RAP2C: variants seen among roughly 807,000 people sequenced by gnomAD.
RAP2C encodes RAP2C, member of RAS oncogene family.
Under a neutral mutation model 8.9 loss-of-function variants are expected in RAP2C, and 3 were observed. The ratio of observed to expected loss-of-function variants is 0.34; its 90% CI spans 0.15 to 0.87. RAP2C has a LOEUF of 0.87. RAP2C is among the 40% of genes least tolerant of loss of function. The pLI is 0.51. For missense variants in RAP2C, 76 were observed against 133.7 expected, an observed-to-expected ratio of 0.57 and a Z score of 2.13; for synonymous variants, 60 against 52.1, an observed-to-expected ratio of 1.15 and a Z score of -0.65.
chrX:132,203,853 G>C lies in RAP2C; in HGVS notation c.*1769C>G, dbSNP rs920975639. On this transcript the variant is annotated 3_prime_UTR_variant, in exon 6 of 6. Transcript: ENST00000370874. ...CATAAAATTCAAAATTTAAGAACAAGAGTTCACTTTGAGGGAATTTGCTCA... is the reference window on the plus strand; with the variant it reads ...CATAAAATTCAAAATTTAAGAACAACAGTTCACTTTGAGGGAATTTGCTCA... 5 of 111,894 alleles carry C rather than the reference G, an allele frequency of 4.5e-5. No individual in the cohort carries two copies. Among genetic ancestry groups the C allele is most frequent in the Non-Finnish European group, 9.4e-5 (5 of 53,035 alleles). 9.2% of individuals were successfully genotyped at this position (111,894 alleles called of 1,213,427 possible). A position where few individuals can be genotyped will look rare whatever the true frequency, so the allele number is the denominator to read the frequency against.
In RAP2C at chrX:132,204,275, A is replaced by G. The variant is rs1361118847; in HGVS notation, c.*1347T>C. The G allele has an allele frequency of 1.8e-5, 2 of 112,349 alleles. No homozygotes were observed. The highest frequency in any genetic ancestry group is 6.5e-5 in the African/African-American group (2 of 30,884). The allele number at this position is 112,349 out of a possible 1,213,427, so 9.3% of individuals were successfully genotyped here. A position where few individuals can be genotyped will look rare whatever the true frequency, so the allele number is the denominator to read the frequency against. On this transcript the variant is annotated 3_prime_UTR_variant, in exon 6 of 6. Coordinates refer to ENST00000370874, the MANE Select transcript of RAP2C (RefSeq NM_001271186.2). ...AAACCCAACAATAAAATACTGTCAA[A>G]CTTACACAATTTAAAAATCATTGCT...
In RAP2C at chrX:132,214,201, T is replaced by C; in HGVS notation, c.519A>G (p.Gln173=). Residue 173 remains glutamine (Q), a synonymous_variant, in exon 5 of 6, where the codon CAA becomes CAG. Coordinates refer to ENST00000370874, the MANE Select transcript of RAP2C (RefSeq NM_001271186.2). The part of the protein sequence containing the change: ...QMNYSSLPEK[Q]DQCCTTCVVQ ...CGACACAAGTTGTACAACACTGATCTTGCTTCTCCGGCAGGGATGAATAGT... is the reference window on the plus strand; with the variant it reads ...CGACACAAGTTGTACAACACTGATCCTGCTTCTCCGGCAGGGATGAATAGT... 8.3e-7 allele frequency: 1 copy of C among 1,211,646 alleles called. No individual in the cohort carries two copies. Among genetic ancestry groups the C allele is most frequent in the East Asian group, 3.0e-5 (1 of 33,843 alleles).
Position 132,217,550 on chromosome X carries a change from G to A in RAP2C, c.-282C>T, listed in dbSNP as rs1346448034. On this transcript the variant is annotated 5_prime_UTR_variant, in exon 4 of 6. Coordinates refer to ENST00000370874, the MANE Select transcript of RAP2C (RefSeq NM_001271186.2). ...AGGGCGAGCCTGGGAAAAGCCCGGC[G>A]AGGGTGGCGAGGAGGCGCGTGCCCC... 3 of 243,143 alleles carry A rather than the reference G, an allele frequency of 1.2e-5. No individual in the cohort carries two copies. The Admixed American group carries it at 2.0e-4, about 16-fold the overall frequency. The allele number at this position is 243,143 out of a possible 1,213,427, so 20.0% of individuals were successfully genotyped here. A position where few individuals can be genotyped will look rare whatever the true frequency, so the allele number is the denominator to read the frequency against.
At chrX:132,214,849 G>A (rs1930528356) in intron 4 of RAP2C, among the ~76,000 whole-genome samples, 1 of 111,812 alleles carries the variant, frequency 8.9e-6, no homozygotes, top group Non-Finnish European at 1.9e-5. Context: ...GCACAGGATT[G>A]CAGCATCTAT....
Position 132,217,116 on chromosome X carries a change from G to T in RAP2C, c.153C>A (p.Ser51=), listed in dbSNP as rs751770874. ...CTGCGGTGTCCAGAATTTCCAGCAC[G>T]GAGGGGGAAGAGTCCACTTCGATCT... ...RKEIEVDSSP[S]VLEILDTAGT... The change falls in exon 4 of 6, where the codon TCC becomes TCA. Residue 51 remains serine, a synonymous_variant. Transcript: ENST00000370874. 2.5e-6 allele frequency: 3 copies of T among 1,204,751 alleles called. No individual in the cohort carries two copies. The highest frequency in any genetic ancestry group is 2.2e-6 in the Non-Finnish European group (2 of 891,981).
intron 5 of RAP2C, among the ~76,000 whole-genome samples, chrX:132,209,536 C>G (rs1236607236): frequency 2.7e-5 from 3 of 112,049 alleles, no homozygotes; most frequent in African/African-American, 9.7e-5. Context: ...GTTTTTCTTA[C>G]TGATATTATC....
chrX:132,208,210 A>G (rs866148344), intron 5 of RAP2C, among the ~76,000 whole-genome samples: 1 of 111,687 alleles, frequency 9.0e-6, no homozygotes, highest in African/African-American at 3.3e-5. Flanking sequence ...ATGGCAGCAG[A>G]ATGCCTGGTA....
At position 132,205,044 on chromosome X, in the gene RAP2C, C is replaced by T. The variant is rs1466446882; in HGVS notation, c.*578G>A. The T allele has an allele frequency of 9.2e-6, 1 of 109,287 alleles. No individual in the cohort carries two copies. Among genetic ancestry groups the T allele is most frequent in the Non-Finnish European group, 1.9e-5 (1 of 52,457 alleles). 9.0% of individuals were successfully genotyped at this position (109,287 alleles called of 1,213,427 possible). On this transcript the variant is annotated 3_prime_UTR_variant, in exon 6 of 6. Transcript: ENST00000370874. ...CACTTGAAGAAAAGGGATATTCCAT[C>T]CATACAGGTAAAATGTGATCTTTAG...
intron 5 of RAP2C, among the ~76,000 whole-genome samples, chrX:132,205,897 G>A: frequency 9.0e-6 from 1 of 111,299 alleles, no homozygotes; most frequent in East Asian, 2.8e-4. Context: ...TGTCCTTACT[G>A]GTTTAAATGA....
At chrX:132,219,229 C>A (rs748360263) in intron 1 of RAP2C, 141 bp downstream of exon 1, 3 of 111,696 alleles carry the variant, frequency 2.7e-5, no homozygotes, top group Non-Finnish European at 5.6e-5. Context: ...CTCCAAATTC[C>A]CTTACTTACA....
chrX:132,213,894 A>G (rs1309162695), intron 5 of RAP2C, among the ~76,000 whole-genome samples: 1 of 112,453 alleles, frequency 8.9e-6, no homozygotes, highest in Non-Finnish European at 1.9e-5. Flanking sequence ...AGGAAGAACA[A>G]TAACTCACTT....
chrX:132,217,484 T>G lies in RAP2C; in HGVS notation c.-216A>C. ...GGGTGGGGAAGGGATGGTAATGCCC[T>G]TCCTATAGGAACTGCAGCCCGAGCA... is the stretch of plus-strand genomic sequence containing the variant. On this transcript the variant is annotated 5_prime_UTR_variant, in exon 4 of 6. Coordinates refer to ENST00000370874, the MANE Select transcript of RAP2C (RefSeq NM_001271186.2). 1 of 289,246 alleles carries G rather than the reference T, an allele frequency of 3.5e-6. No homozygotes were observed. The highest frequency in any genetic ancestry group is 6.1e-6 in the Non-Finnish European group (1 of 164,485). The allele number at this position is 289,246 out of a possible 1,213,427, so 23.8% of individuals were successfully genotyped here. A position where few individuals can be genotyped will look rare whatever the true frequency, so the allele number is the denominator to read the frequency against.
chrX:132,204,702 G>C lies in RAP2C; in HGVS notation c.*920C>G, dbSNP rs139378357. 19 of 111,527 alleles carry C rather than the reference G, an allele frequency of 1.7e-4. No homozygotes were observed. The East Asian group carries it at 4.7e-3, about 28-fold the overall frequency. The allele number at this position is 111,527 out of a possible 1,213,427, so 9.2% of individuals were successfully genotyped here. A position where few individuals can be genotyped will look rare whatever the true frequency, so the allele number is the denominator to read the frequency against. On this transcript the variant is annotated 3_prime_UTR_variant, in exon 6 of 6. Transcript: ENST00000370874. ...ATTTTACATGTGCAGAAGTCTACTA[G>C]ATGTCAATTACAAGCCTGATAGGCA...
rs1028536063 is a variant in RAP2C, at chrX:132,217,943, G to A, written c.-566C>T. 1.8e-5 allele frequency: 2 copies of A among 112,043 alleles called. No homozygotes were observed. Among genetic ancestry groups the A allele is most frequent in the Non-Finnish European group, 3.8e-5 (2 of 52,954 alleles). 9.2% of individuals were successfully genotyped at this position (112,043 alleles called of 1,213,427 possible). On this transcript the variant is annotated 5_prime_UTR_variant, in exon 3 of 6. Coordinates refer to ENST00000370874, the MANE Select transcript of RAP2C (RefSeq NM_001271186.2). The stretch of plus-strand genomic sequence containing the variant: ...CGCCGTCCGCACCCGCCCGGCCGCC[G>A]GGGAGGCTCTGTCACGCCAAGGCCA...
chrX:132,206,568 G>C (rs995150474), intron 5 of RAP2C, among the ~76,000 whole-genome samples: 1 of 112,418 alleles, frequency 8.9e-6, no homozygotes, highest in African/African-American at 3.2e-5. Flanking sequence ...AGAAACAAAA[G>C]TAGAACAGCA....
Position 132,217,404 on chromosome X carries a change from C to G in RAP2C, c.-136G>C. The stretch of plus-strand genomic sequence containing the variant: ...AGTGCAGAGGAGCAGAGGGCCCAAC[C>G]GGGGAAGAAGAGGAAGTTACAGGAG... On this transcript the variant is annotated 5_prime_UTR_variant, in exon 4 of 6. Coordinates refer to ENST00000370874, the MANE Select transcript of RAP2C (RefSeq NM_001271186.2). The G allele has an allele frequency of 3.5e-6, 1 of 282,934 alleles. No homozygotes were observed. Among genetic ancestry groups the G allele is most frequent in the African/African-American group, 3.5e-5 (1 of 28,894 alleles). The allele number at this position is 282,934 out of a possible 1,213,427, so 23.3% of individuals were successfully genotyped here. A position where few individuals can be genotyped will look rare whatever the true frequency, so the allele number is the denominator to read the frequency against.
intron 5 of RAP2C, among the ~76,000 whole-genome samples, chrX:132,209,631 A>G (rs1034792525): frequency 1.8e-5 from 2 of 112,147 alleles, no homozygotes; most frequent in African/African-American, 3.2e-5. Context: ...CTTGGTGGCA[A>G]TTCTCCAACT....
chrX:132,210,009 T>G (rs1057283193), intron 5 of RAP2C, among the ~76,000 whole-genome samples: 9 of 111,642 alleles, frequency 8.1e-5, no homozygotes, highest in Admixed American at 9.5e-5. Context: ...AAAGCATGCT[T>G]CTTCTTCCAT....
chrX:132,208,254 T>A (rs1438333946), intron 5 of RAP2C, among the ~76,000 whole-genome samples: 3 of 111,679 alleles, frequency 2.7e-5, no homozygotes. Flanking sequence ...CTTAGCAGTT[T>A]ATGAATGTCT....
Sources: allele counts gnomAD v4.1 joint callset (sites outside exome capture counted in the v4.1 genomes callset), GRCh38; gene constraint gnomAD v4.1.1; transcripts MANE v1.5; gene names NCBI Gene and HGNC (gene_info 2026-07-23, HGNC 2026-07-21).